SNTG1: variants seen among roughly 807,000 people sequenced by gnomAD.
SNTG1 encodes the protein gamma-1-syntrophin.
A neutral mutation model predicts 74.7 loss-of-function variants in SNTG1; 39 were observed. That is an observed-to-expected ratio of 0.52 (90% CI 0.40 to 0.68). The LOEUF is 0.68. SNTG1 is among the 30% of genes least tolerant of loss of function. The pLI is 0.00. For synonymous variants in SNTG1, 254 were observed against 217.1 expected, an observed-to-expected ratio of 1.17 and a Z score of -1.49; for missense variants, 685 against 609.5, an observed-to-expected ratio of 1.12 and a Z score of -1.30.
intron 8 of SNTG1, among the ~76,000 whole-genome samples, chr8:50,461,644 A>G (rs1028671901): frequency 6.6e-6 from 1 of 152,118 alleles, no homozygotes; most frequent in African/African-American, 2.4e-5. Context: ...AGTTTTGGGT[A>G]TTGGGAACTC....
chr8:50,776,684 ATTCT>A (rs1211688216), intron 18 of SNTG1, among the ~76,000 whole-genome samples: 2 of 151,688 alleles, frequency 1.3e-5, no homozygotes. Context: ...TTCTTACCAT[ATTCT>A]TTCTTTCTTC....
chr8:50,541,194 T>C (rs2094343974), intron 11 of SNTG1, among the ~76,000 whole-genome samples: 1 of 151,942 alleles, frequency 6.6e-6, no homozygotes, highest in Admixed American at 6.6e-5. Context: ...TGTAATACAA[T>C]ATCCCAACCA....
At chr8:49,937,280 T>G (rs568832325) in intron 1 of SNTG1, among the ~76,000 whole-genome samples, 102 of 152,148 alleles carry the variant, frequency 6.7e-4, no homozygotes, top group African/African-American at 2.4e-3. Flanking sequence ...AGCTAAACTA[T>G]AGTGGAGTGG....
At chr8:50,419,020 A>G (rs1319459765) in intron 4 of SNTG1, among the ~76,000 whole-genome samples, 1 of 152,268 alleles carries the variant, frequency 6.6e-6, no homozygotes, top group African/African-American at 2.4e-5. Context: ...TTTAAAAAAA[A>G]TACCATAAGG....
At chr8:50,102,921 C>A (rs1221395075) in intron 1 of SNTG1, among the ~76,000 whole-genome samples, 2 of 150,678 alleles carry the variant, frequency 1.3e-5, no homozygotes, top group Non-Finnish European at 1.5e-5. Flanking sequence ...TGATCTATAT[C>A]TTTGTTTTGG....
intron 4 of SNTG1, among the ~76,000 whole-genome samples, chr8:50,403,063 A>C (rs1221369707): frequency 6.6e-6 from 1 of 152,210 alleles, no homozygotes; most frequent in Admixed American, 6.5e-5. Context: ...GGAGTTTATC[A>C]TTCATTGTAT....
At chr8:50,347,988 C>T (rs538484580) in intron 2 of SNTG1, among the ~76,000 whole-genome samples, 7 of 152,246 alleles carry the variant, frequency 4.6e-5, no homozygotes, top group African/African-American at 1.7e-4. Context: ...CCCCAAGAAA[C>T]ATTTTTACAT....
intron 2 of SNTG1, among the ~76,000 whole-genome samples, chr8:50,234,820 A>G (rs1005342955): frequency 2.6e-5 from 4 of 152,080 alleles, no homozygotes; most frequent in African/African-American, 9.7e-5. Flanking sequence ...GGTCCTTTGG[A>G]TCTCTTTTTC....
intron 11 of SNTG1, 39 bp downstream of exon 11, chr8:50,536,847 G>GA (rs748747489): frequency 3.5e-5 from 56 of 1,599,378 alleles, no homozygotes; most frequent in Non-Finnish European, 4.6e-5. Flanking sequence ...TTTTGTTTAT[G>GA]AAAAAAGAGA....
At chr8:50,148,075 T>A (rs1030334318) in intron 1 of SNTG1, among the ~76,000 whole-genome samples, 1 of 152,146 alleles carries the variant, frequency 6.6e-6, no homozygotes, top group Non-Finnish European at 1.5e-5. Context: ...GTTTGTACAA[T>A]TTGAGCAAAA....
At chr8:50,209,539 A>G (rs1414136721) in intron 2 of SNTG1, among the ~76,000 whole-genome samples, 3 of 152,190 alleles carry the variant, frequency 2.0e-5, no homozygotes, top group Non-Finnish European at 4.4e-5. Context: ...GGGAAGAATC[A>G]GGCAGCAACA....
chr8:49,918,088 G>A (rs1444266598), intron 1 of SNTG1, among the ~76,000 whole-genome samples: 1 of 152,072 alleles, frequency 6.6e-6, no homozygotes, highest in Non-Finnish European at 1.5e-5. Flanking sequence ...TATTCAGTCA[G>A]ATTTTTTCCA....
At chr8:50,747,935 T>C (rs938604070) in intron 17 of SNTG1, 11 of 152,012 alleles carry the variant, frequency 7.2e-5, no homozygotes, top group Admixed American at 7.2e-4. Context: ...GGTTTCATCA[T>C]GTTGCCCAAG....
intron 1 of SNTG1, among the ~76,000 whole-genome samples, chr8:49,914,119 C>T (rs747432244): frequency 1.3e-5 from 2 of 151,846 alleles, no homozygotes; most frequent in Admixed American, 1.3e-4. Context: ...CAACTTAATG[C>T]CTACCAATGC....
intron 1 of SNTG1, among the ~76,000 whole-genome samples, chr8:50,135,436 G>A (rs961108927): frequency 1.3e-5 from 2 of 152,108 alleles, no homozygotes; most frequent in Non-Finnish European, 2.9e-5. Flanking sequence ...TATTTGAATT[G>A]TTATTATTTC....
intron 1 of SNTG1, among the ~76,000 whole-genome samples, chr8:50,172,073 T>C (rs990594956): frequency 2.0e-5 from 3 of 152,186 alleles, no homozygotes; most frequent in African/African-American, 7.2e-5. Flanking sequence ...AATTACAGTA[T>C]GTTTTAAGAG....
intron 12 of SNTG1, among the ~76,000 whole-genome samples, chr8:50,587,917 C>T (rs1039260651): frequency 6.6e-6 from 1 of 151,892 alleles, no homozygotes; most frequent in African/African-American, 2.4e-5. Context: ...CGAGACCATT[C>T]TGGCCAACAT....
At chr8:50,252,587 G>T (rs1333311355) in intron 2 of SNTG1, among the ~76,000 whole-genome samples, 1 of 152,182 alleles carries the variant, frequency 6.6e-6, no homozygotes, top group Non-Finnish European at 1.5e-5. Flanking sequence ...TCTGCTTCTG[G>T]TGAGGGCCTC....
intron 15 of SNTG1, among the ~76,000 whole-genome samples, chr8:50,687,695 A>G (rs753104160): frequency 6.6e-6 from 1 of 152,156 alleles, no homozygotes; most frequent in African/African-American, 2.4e-5. Context: ...AGCATTAGGT[A>G]TATCTTGTAA....
Sources: gnomAD v4.1 joint callset for allele counts (sites outside exome capture counted in the v4.1 genomes callset) on GRCh38, gnomAD v4.1.1 for gene constraint, MANE v1.5 for transcripts, NCBI Gene and HGNC (gene_info 2026-07-23, HGNC 2026-07-21) for gene names.